Variants in CNN2 observed in about 807,000 individuals in gnomAD.
The protein encoded by CNN2 is calponin 2, also known as calponin-2.
In CNN2, 21 loss-of-function variants were observed where a neutral mutation model predicts 31.0. That is an observed-to-expected ratio of 0.68 (90% CI 0.48 to 0.98). The LOEUF (loss-of-function observed/expected upper bound fraction) is 0.98. CNN2 is among the 50% of genes least tolerant of loss of function. The probability of loss-of-function intolerance (pLI) is 0.00; values close to 1 mark genes in which losing one functional copy is unlikely to be tolerated. For missense variants in CNN2, 399 were observed against 427.3 expected, an observed-to-expected ratio of 0.93 and a Z score of 0.58; for synonymous variants, 165 against 179.6, an observed-to-expected ratio of 0.92 and a Z score of 0.65.
Position 1,036,540 on chromosome 19 carries a change from G to T in CNN2, c.632G>T (p.Gly211Val). ...CACTCGACCATCAGCCTCCAGATGG[G>T]CACGAACAAGTGTGCCAGCCAGGTG... ...MDHSTISLQM[G>V]TNKCASQVGM... Residue 211 changes from glycine (G) to valine (V), a missense_variant, in exon 6 of 7, where the codon GGC (glycine) becomes GTC (valine). Physicochemically the swap from Gly to Val is moderately radical, Grantham distance 109. Transcript: ENST00000263097. 1.2e-6 allele frequency: 2 copies of T among 1,613,566 alleles called. No individual in the cohort carries two copies. The highest frequency in any genetic ancestry group is 1.7e-6 in the Non-Finnish European group (2 of 1,179,698).
intron 1 of CNN2, 62 bp from the exon 2 acceptor site, chr19:1,031,009 T>C (rs2039480602): frequency 6.4e-7 from 1 of 1,558,896 alleles, no homozygotes; most frequent in African/African-American, 1.4e-5. Context: ...GCAGAGCTTC[T>C]GTGGGGTTCC....
chr19:1,028,116 A>G (rs1010265026), intron 1 of CNN2, among the ~76,000 whole-genome samples: 3 of 152,170 alleles, frequency 2.0e-5, no homozygotes, highest in Non-Finnish European at 4.4e-5. Flanking sequence ...ACCGGTGTCC[A>G]CAGGGACCCA....
At chr19:1,030,543 C>T (rs547254266) in intron 1 of CNN2, among the ~76,000 whole-genome samples, 68 of 152,108 alleles carry the variant, frequency 4.5e-4, no homozygotes, top group Non-Finnish European at 8.1e-4. Context: ...GGAGAATGGC[C>T]TGAACCGGGG....
In CNN2 at chr19:1,027,873, G is replaced by C. The variant is rs192976751; in HGVS notation, c.63+1149G>C. Among the ~76,000 whole-genome samples, 709 of 152,318 alleles carry C rather than the reference G, an allele frequency of 4.7e-3. 7 individuals are homozygous for C. Among genetic ancestry groups the C allele is most frequent in the African/African-American group, 0.016 (678 of 41,564 alleles). On this transcript the variant is annotated intron_variant, in intron 1 of 6. Coordinates refer to ENST00000263097, the MANE Select transcript of CNN2 (RefSeq NM_004368.4). The stretch of plus-strand genomic sequence containing the variant: ...CCTGCCCGGCGGCACTCCAGGGCCG[G>C]CAGACTGGAGGGAGAATTCCTGCTT...
chr19:1,031,466 G>T (rs2039494633), intron 2 of CNN2, among the ~76,000 whole-genome samples: 1 of 147,640 alleles, frequency 6.8e-6, no homozygotes, highest in Non-Finnish European at 1.5e-5. Context: ...TCAGGAGGCT[G>T]AGGAAGGAGA....
chr19:1,037,992 G>A lies in CNN2; in HGVS notation c.*92G>A, dbSNP rs181073640. On this transcript the variant is annotated 3_prime_UTR_variant, in exon 7 of 7. Transcript: ENST00000263097. Reference sequence around the variant, plus strand: ...ATCTTTTTTTTTTTTTTCTTAACCCGTTCAGTGCTGCCAGTCAACCAAGGG... The same window carrying A: ...ATCTTTTTTTTTTTTTTCTTAACCCATTCAGTGCTGCCAGTCAACCAAGGG... 1,976 of 1,194,450 alleles carry A rather than the reference G, an allele frequency of 1.7e-3. 12 individuals carry two copies. The highest frequency in any genetic ancestry group is 2.1e-3 in the Non-Finnish European group (1,857 of 875,874). 74.0% of individuals were successfully genotyped at this position (1,194,450 alleles called of 1,614,324 possible).
intron 1 of CNN2, 182 bp downstream of exon 1, chr19:1,026,906 C>A: frequency 1.7e-6 from 1 of 576,590 alleles, no homozygotes; most frequent in Non-Finnish European, 3.0e-6. Flanking sequence ...CTGAGGCTCC[C>A]GCGAATCTTG....
intron 1 of CNN2, among the ~76,000 whole-genome samples, chr19:1,028,715 G>T (rs1338066005): frequency 6.6e-6 from 1 of 151,810 alleles, no homozygotes; most frequent in Non-Finnish European, 1.5e-5. Flanking sequence ...GGCGGGGGTG[G>T]GGGAGGACGG....
rs1167227556 is a variant in CNN2, at chr19:1,036,688, C to T, written c.654+126C>T. 2.6e-6 allele frequency: 3 copies of T among 1,156,616 alleles called. No homozygotes were observed. The African/African-American group carries it at 4.5e-5, about 17-fold the overall frequency. 71.6% of individuals were successfully genotyped at this position (1,156,616 alleles called of 1,614,324 possible). A position where few individuals can be genotyped will look rare whatever the true frequency, so the allele number is the denominator to read the frequency against. ...CAGTCTCAGCCCCTTCCCTAGACCA[C>T]CTCCGGCTTCCCTCCCCGCTCTCTG... On this transcript the variant is annotated intron_variant, in intron 6 of 6. Transcript: ENST00000263097.
At chr19:1,028,465 G>C (rs1479499856) in intron 1 of CNN2, among the ~76,000 whole-genome samples, 1 of 152,086 alleles carries the variant, frequency 6.6e-6, no homozygotes, top group Non-Finnish European at 1.5e-5. Flanking sequence ...CCGCTTTACC[G>C]GCTGCTTGAA....
intron 4 of CNN2, among the ~76,000 whole-genome samples, chr19:1,035,530 T>G (rs1325353601): frequency 1.3e-5 from 2 of 151,830 alleles, no homozygotes; most frequent in Non-Finnish European, 2.9e-5. Context: ...TGGTGGAAGG[T>G]GAGAGAGAGG....
rs1450451289 is a variant in CNN2 at position 1,038,825 on chromosome 19, C to G, written c.*925C>G. ...GGCCTCAGGTGTGATCCGCCCGCCTCCGCCTCCCCAAGCGCTGAGATTACA... is the reference window on the plus strand; with the variant it reads ...GGCCTCAGGTGTGATCCGCCCGCCTGCGCCTCCCCAAGCGCTGAGATTACA... On this transcript the variant is annotated 3_prime_UTR_variant, in exon 7 of 7. Coordinates refer to ENST00000263097, the MANE Select transcript of CNN2 (RefSeq NM_004368.4). 3 of 152,284 alleles carry G rather than the reference C, an allele frequency of 2.0e-5. No homozygotes were observed. The South Asian group carries it at 6.2e-4, about 31-fold the overall frequency. 9.4% of individuals were successfully genotyped at this position (152,284 alleles called of 1,614,324 possible). A position where few individuals can be genotyped will look rare whatever the true frequency, so the allele number is the denominator to read the frequency against.
chr19:1,031,338 T>TGGGGGG lies in CNN2; in HGVS notation c.185+148_185+149insGGGGGG, dbSNP rs148657602. ...CAGCACTTTTGGAGGCCGAGGGTGGTGGCGGGGGGCGGTGGATCTCGAGGT... is the reference window on the plus strand; with the variant it reads ...CAGCACTTTTGGAGGCCGAGGGTGGTGGGGGGGGCGGGGGGCGGTGGATCTCGAGGT... On this transcript the variant is annotated intron_variant, in intron 2 of 6. Coordinates refer to ENST00000263097, the MANE Select transcript of CNN2 (RefSeq NM_004368.4). The TGGGGGG allele has an allele frequency of 5.0e-3, 170 of 34,324 alleles. 5 individuals are homozygous for TGGGGGG. Among genetic ancestry groups the TGGGGGG allele is most frequent in the South Asian group, 0.016 (37 of 2,258 alleles). The allele number at this position is 34,324 out of a possible 1,614,324, so 2.1% of individuals were successfully genotyped here. A position where few individuals can be genotyped will look rare whatever the true frequency, so the allele number is the denominator to read the frequency against.
At chr19:1,035,715 G>A (rs1439200945) in intron 4 of CNN2, among the ~76,000 whole-genome samples, 3 of 152,130 alleles carry the variant, frequency 2.0e-5, no homozygotes, top group Non-Finnish European at 2.9e-5. Flanking sequence ...TTGAGGCCAG[G>A]AGTTCAAGAC....
intron 6 of CNN2, chr19:1,037,209 G>T (rs1469981924): frequency 4.9e-6 from 1 of 203,858 alleles, no homozygotes; most frequent in Non-Finnish European, 1.0e-5. Flanking sequence ...CACTGTGTTG[G>T]TCAGGCTAGT....
At position 1,032,433 on chromosome 19, in the gene CNN2, A is replaced by G. The variant is rs1190736577; in HGVS notation, c.227A>G (p.Asn76Ser). 2 of 1,613,462 alleles carry G rather than the reference A, an allele frequency of 1.2e-6. No individual in the cohort carries two copies. Among genetic ancestry groups the G allele is most frequent in the African/African-American group, 2.7e-5 (2 of 74,880 alleles). The change falls in exon 3 of 7, where the codon AAC becomes AGC. Residue 76 changes from asparagine to serine, a missense_variant. By Grantham distance (46) the Asn-to-Ser change is conservative. Transcript: ENST00000263097. ...KLQPGSVPKI[N>S]RSMQNWHQLE... ...CAGCCGGGCTCCGTCCCCAAGATCA[A>G]CCGCTCCATGCAGAACTGGCACCAG...
At position 1,031,444 on chromosome 19, in the gene CNN2, A is replaced by T. The variant is rs189783541; in HGVS notation, c.185+252A>T. Among the ~76,000 whole-genome samples the T allele has an allele frequency of 5.0e-4, 75 of 150,120 alleles. 1 individual carries two copies. The East Asian group carries it at 0.014, about 28-fold the overall frequency. ...ACAAAAAAATTAGCCAGGCACCTGT[A>T]ATCCCAGCTACTCAGGAGGCTGAGG... On this transcript the variant is annotated intron_variant, in intron 2 of 6. Transcript: ENST00000263097.
Position 1,032,660 on chromosome 19 carries a change from G to C in CNN2, c.354G>C (p.Thr118=). 1 of 1,612,164 alleles carries C rather than the reference G, an allele frequency of 6.2e-7. No homozygotes were observed. The change falls in exon 4 of 7, where the codon ACG becomes ACC. Residue 118 remains threonine, a synonymous_variant. Coordinates refer to ENST00000263097, the MANE Select transcript of CNN2 (RefSeq NM_004368.4). ...ACCTGTTTGAGAGTGGGAACATGACGCAGGTGCAGGTGTCTCTTCTCGCCC... is the reference window on the plus strand; with the variant it reads ...ACCTGTTTGAGAGTGGGAACATGACCCAGGTGCAGGTGTCTCTTCTCGCCC... The part of the protein sequence containing the change: ...ANDLFESGNM[T]QVQVSLLALA...
At chr19:1,031,015 G>C in intron 1 of CNN2, 56 bp from the exon 2 acceptor site, 1 of 1,563,266 alleles carries the variant, frequency 6.4e-7, no homozygotes, top group Non-Finnish European at 8.7e-7. Flanking sequence ...CTTCTGTGGG[G>C]TTCCTGCTGG....
Sources: allele counts gnomAD v4.1 joint callset (sites outside exome capture counted in the v4.1 genomes callset), GRCh38; gene constraint gnomAD v4.1.1; transcripts MANE v1.5; gene names NCBI Gene and HGNC (gene_info 2026-07-23, HGNC 2026-07-21).